PNPLA8: variants seen among roughly 807,000 people sequenced by gnomAD.
The protein encoded by PNPLA8 is calcium-independent phospholipase A2-gamma.
In PNPLA8, 39 loss-of-function variants were observed where a neutral mutation model predicts 76.9. The observed-to-expected ratio is 0.51, with a 90% CI of 0.39 to 0.66. PNPLA8 has a LOEUF of 0.66. Ranked by LOEUF, PNPLA8 falls within the 30% of genes least tolerant of loss-of-function variation. The pLI is 0.00. For missense variants in PNPLA8, 887 were observed against 918.0 expected, an observed-to-expected ratio of 0.97 and a Z score of 0.44; for synonymous variants, 301 against 307.9, an observed-to-expected ratio of 0.98 and a Z score of 0.24.
intron 4 of PNPLA8, among the ~76,000 whole-genome samples, chr7:108,511,332 T>C (rs1186521661): frequency 1.3e-5 from 2 of 152,224 alleles, no homozygotes; most frequent in Admixed American, 6.5e-5. Context: ...CAGATTGTCA[T>C]CACTTTAACA....
intron 5 of PNPLA8, among the ~76,000 whole-genome samples, chr7:108,498,324 T>TG (rs1861706532): frequency 6.6e-6 from 1 of 151,862 alleles, no homozygotes; most frequent in Non-Finnish European, 1.5e-5. Context: ...TGGAGTGCAG[T>TG]GGCTCACTGG....
At chr7:108,497,662 G>T in intron 5 of PNPLA8, 85 bp from the exon 6 acceptor site, 9 of 642,310 alleles carry the variant, frequency 1.4e-5, no homozygotes, top group Non-Finnish European at 2.0e-5. Flanking sequence ...TCTAATAATT[G>T]CTTTTAGAGT....
chr7:108,519,354 G>A (rs1184531650), intron 2 of PNPLA8, among the ~76,000 whole-genome samples: 1 of 152,104 alleles, frequency 6.6e-6, no homozygotes, highest in African/African-American at 2.4e-5. Flanking sequence ...GAGCCACAGA[G>A]ACCCCATCTC....
At chr7:108,496,193 C>T (rs554496406) in intron 7 of PNPLA8, among the ~76,000 whole-genome samples, 2 of 152,088 alleles carry the variant, frequency 1.3e-5, no homozygotes, top group Non-Finnish European at 2.9e-5. Flanking sequence ...CAAGATAGCA[C>T]CACTGTACTC....
At chr7:108,491,633 A>C (rs766333127) in intron 7 of PNPLA8, among the ~76,000 whole-genome samples, 166 bp from the exon 8 acceptor site, 16 of 152,260 alleles carry the variant, frequency 1.1e-4, no homozygotes, top group Admixed American at 3.9e-4. Context: ...ATTAATGCAC[A>C]TGAAACAATA....
chr7:108,505,908 A>C (rs891131069), intron 4 of PNPLA8, among the ~76,000 whole-genome samples: 20 of 152,206 alleles, frequency 1.3e-4, no homozygotes, highest in African/African-American at 4.8e-4. Context: ...ATGAAGAAAA[A>C]GTTGGTGAAC....
intron 9 of PNPLA8, among the ~76,000 whole-genome samples, chr7:108,485,537 A>G (rs1180162964): frequency 1.3e-5 from 2 of 152,150 alleles, no homozygotes; most frequent in Non-Finnish European, 2.9e-5. Context: ...GATTTTCAAA[A>G]TGAGACTGGT....
chr7:108,510,035 G>A (rs899532198), intron 4 of PNPLA8, among the ~76,000 whole-genome samples: 1 of 118,758 alleles, frequency 8.4e-6, no homozygotes, highest in African/African-American at 3.2e-5. Flanking sequence ...GGTGGGGTGG[G>A]GGGAGGGGGG....
At chr7:108,521,974 ACAT>A (rs1237847850) in intron 1 of PNPLA8, among the ~76,000 whole-genome samples, 1 of 152,182 alleles carries the variant, frequency 6.6e-6, no homozygotes, top group African/African-American at 2.4e-5. Context: ...TCCAGCATTC[ACAT>A]CAACACAGAT....
chr7:108,496,835 G>T, intron 6 of PNPLA8, 80 bp from the exon 7 acceptor site: 2 of 1,184,876 alleles, frequency 1.7e-6, no homozygotes, highest in Non-Finnish European at 2.4e-6. Context: ...CATAGTTTTG[G>T]CTTAAATTTT....
Position 108,472,425 on chromosome 7 carries a change from T to G in PNPLA8, c.2325A>C (p.Gly775=). ...WIKLKTDMYE[G]LPFFSKL ...ATCACAATTTTGAAAAGAATGGAAGTCCTTCATACATATCAGTTTTTAATT... is the reference window on the plus strand; with the variant it reads ...ATCACAATTTTGAAAAGAATGGAAGGCCTTCATACATATCAGTTTTTAATT... Residue 775 remains glycine, a synonymous_variant, in exon 11 of 11, where the codon GGA becomes GGC. Coordinates refer to ENST00000257694, the MANE Select transcript of PNPLA8 (RefSeq NM_001256007.3). 6.3e-7 allele frequency: 1 copy of G among 1,580,074 alleles called. No individual in the cohort carries two copies. Among genetic ancestry groups the G allele is most frequent in the African/African-American group, 1.4e-5 (1 of 73,080 alleles).
chr7:108,496,664 TG>T lies in PNPLA8; in HGVS notation c.1544del (p.Ser515TyrfsTer9). 6.2e-7 allele frequency: 1 copy of T among 1,612,746 alleles called. No individual in the cohort carries two copies. Among genetic ancestry groups the T allele is most frequent in the Non-Finnish European group, 8.5e-7 (1 of 1,179,114 alleles). On this transcript the variant is annotated frameshift_variant, in exon 7 of 11. Transcript: ENST00000257694. LOFTEE classifies it high-confidence loss of function. ...LYRKLGSDVF[S>X]QNVIVGTVKM... ...TTACTGTTCCAACAATGACATTTTG[TG>T]AAAATACATCTGATCCTAATTTTCG...
chr7:108,500,446 A>G (rs1470793698), intron 5 of PNPLA8, among the ~76,000 whole-genome samples: 1 of 152,232 alleles, frequency 6.6e-6, no homozygotes. Flanking sequence ...GCTTTTGCCA[A>G]CCGAGCACTT....
chr7:108,483,659 G>C lies in PNPLA8; in HGVS notation c.1878+4100C>G, dbSNP rs1440373343. Among the ~76,000 whole-genome samples the C allele has an allele frequency of 3.9e-5, 6 of 152,228 alleles. No individual in the cohort carries two copies. In the East Asian group the frequency reaches 1.2e-3, roughly 29 times the overall value. ...AGTTTATCCATTCACCAGTTGAAAA[G>C]AACTATTTTTAAATTTAGCTATCTT... is the stretch of plus-strand genomic sequence containing the variant. On this transcript the variant is annotated intron_variant, in intron 9 of 10. Coordinates refer to ENST00000257694, the MANE Select transcript of PNPLA8 (RefSeq NM_001256007.3).
Position 108,502,644 on chromosome 7 carries a change from T to C in PNPLA8, c.1207-2A>G, listed in dbSNP as rs1862049974. The C allele has an allele frequency of 6.3e-7, 1 of 1,597,346 alleles. No individual in the cohort carries two copies. The highest frequency in any genetic ancestry group is 8.6e-7 in the Non-Finnish European group (1 of 1,168,586). ...TAATAAATATGGAATAATTCTTTCC[T>C]ATATTGAGAGAAAAGATACTTTGTT... On this transcript the variant is annotated splice_acceptor_variant, in intron 4 of 10. Transcript: ENST00000257694. LOFTEE classifies it high-confidence loss of function.
intron 1 of PNPLA8, among the ~76,000 whole-genome samples, chr7:108,522,235 A>G (rs1442227697): frequency 6.6e-6 from 1 of 151,366 alleles, no homozygotes. Context: ...CGGAGATTGC[A>G]GTGAGCCAAG....
In PNPLA8 at chr7:108,500,215, T is replaced by C. The variant is rs73426147; in HGVS notation, c.1358+2276A>G. Among the ~76,000 whole-genome samples the C allele has an allele frequency of 7.4e-3, 1,121 of 152,302 alleles. 8 individuals are homozygous for C. The highest frequency in any genetic ancestry group is 0.026 in the African/African-American group (1,073 of 41,556). On this transcript the variant is annotated intron_variant, in intron 5 of 10. Coordinates refer to ENST00000257694, the MANE Select transcript of PNPLA8 (RefSeq NM_001256007.3). ...CCTGTCCCAACTCCCCTGAACATTA[T>C]GGCAGAGAGGATTCCTTCTGCTCCT... is the stretch of plus-strand genomic sequence containing the variant.
chr7:108,510,832 C>T (rs1598950513), intron 4 of PNPLA8: 1 of 1,599,412 alleles, frequency 6.3e-7, no homozygotes, highest in East Asian at 2.2e-5. Flanking sequence ...GAAAACGCTT[C>T]AAAGAGGCAA....
intron 9 of PNPLA8, among the ~76,000 whole-genome samples, chr7:108,484,871 C>T (rs1860634192): frequency 6.6e-6 from 1 of 152,138 alleles, no homozygotes; most frequent in African/African-American, 2.4e-5. Flanking sequence ...AGCACAGTGC[C>T]TAACACTGAG....
Sources: allele counts gnomAD v4.1 joint callset (sites outside exome capture counted in the v4.1 genomes callset), GRCh38; gene constraint gnomAD v4.1.1; transcripts MANE v1.5; gene names NCBI Gene and HGNC (gene_info 2026-07-23, HGNC 2026-07-21).